Variants in BAZ1A observed in about 807,000 individuals in gnomAD.
BAZ1A encodes the protein bromodomain adjacent to zinc finger domain protein 1A.
A neutral mutation model predicts 185.2 loss-of-function variants in BAZ1A; 50 were observed. The observed-to-expected ratio is 0.27, with a 90% CI of 0.22 to 0.34. BAZ1A has a LOEUF of 0.34. BAZ1A is among the 10% of genes least tolerant of loss of function. The pLI, the probability that BAZ1A is intolerant of heterozygous loss-of-function variation, is 1.00. For missense variants in BAZ1A, 1,356 were observed against 1,839.9 expected, an observed-to-expected ratio of 0.74 and a Z score of 4.81; for synonymous variants, 571 against 615.6, an observed-to-expected ratio of 0.93 and a Z score of 1.07.
chr14:34,754,210 C>G (rs1886138229), intron 26 of BAZ1A, among the ~76,000 whole-genome samples: 1 of 150,048 alleles, frequency 6.7e-6, no homozygotes, highest in African/African-American at 2.5e-5. Flanking sequence ...TGAGATCGCA[C>G]CACTGCACTC....
At chr14:34,844,613 C>T (rs1296061386) in intron 3 of BAZ1A, among the ~76,000 whole-genome samples, 1 of 141,984 alleles carries the variant, frequency 7.0e-6, no homozygotes, top group African/African-American at 2.6e-5. Flanking sequence ...CCTGTTTCTA[C>T]AAAAAAAAAA....
chr14:34,755,423 G>A lies in BAZ1A; in HGVS notation c.4387-509C>T, dbSNP rs922373034. ...CCCTTTATAATACAGTTGTGTGTCT[G>A]AGACTTTCTAACCCAACCTCATTCA... is the stretch of plus-strand genomic sequence containing the variant. On this transcript the variant is annotated intron_variant, in intron 25 of 26. Transcript: ENST00000360310. Among the ~76,000 whole-genome samples, 7 of 152,090 alleles carry A rather than the reference G, an allele frequency of 4.6e-5. No individual in the cohort carries two copies. The East Asian group carries it at 1.3e-3, about 29-fold the overall frequency.
At chr14:34,846,028 G>A (rs1404112848) in intron 3 of BAZ1A, among the ~76,000 whole-genome samples, 1 of 152,120 alleles carries the variant, frequency 6.6e-6, no homozygotes, top group Non-Finnish European at 1.5e-5. Flanking sequence ...AATCCCCAAT[G>A]GGGATTTAAG....
intron 4 of BAZ1A, among the ~76,000 whole-genome samples, chr14:34,813,899 C>T (rs554841265): frequency 2.6e-5 from 4 of 151,876 alleles, no homozygotes; most frequent in East Asian, 1.9e-4. Context: ...AAAAATTAGC[C>T]GGCCTTGGTG....
chr14:34,866,267 T>C (rs1566605121), intron 2 of BAZ1A, among the ~76,000 whole-genome samples: 1 of 151,810 alleles, frequency 6.6e-6, no homozygotes, highest in African/African-American at 2.4e-5. Context: ...GAGAAATGCT[T>C]AAGCCCAAGA....
In BAZ1A at chr14:34,755,596, G is replaced by A. The variant is rs150773845; in HGVS notation, c.4387-682C>T. On this transcript the variant is annotated intron_variant, in intron 25 of 26. Transcript: ENST00000360310. ...TTCCAAATAGTTCTCCTTAAAAAGC[G>A]TTCTAATTATTATTTTGTCCCTCTG... is the stretch of plus-strand genomic sequence containing the variant. 3.9e-4 allele frequency among the ~76,000 whole-genome samples: 59 copies of A among 152,118 alleles called. 1 individual carries two copies. Among genetic ancestry groups the A allele is most frequent in the African/African-American group, 1.1e-3 (47 of 41,470 alleles).
chr14:34,758,115 CAAAA>C (rs1192197844), intron 25 of BAZ1A, among the ~76,000 whole-genome samples: 2 of 62,386 alleles, frequency 3.2e-5, no homozygotes, highest in Non-Finnish European at 3.8e-5. Context: ...GACCCTGTCT[CAAAA>C]AAAAAAAAAA....
intron 3 of BAZ1A, among the ~76,000 whole-genome samples, chr14:34,849,842 T>C (rs1210080622): frequency 6.6e-6 from 1 of 152,238 alleles, no homozygotes; most frequent in Non-Finnish European, 1.5e-5. Flanking sequence ...AAGTACCTTC[T>C]ACCACATATT....
At chr14:34,777,053 G>A (rs118124245) in intron 17 of BAZ1A, among the ~76,000 whole-genome samples, 77 of 152,350 alleles carry the variant, frequency 5.1e-4, no homozygotes, top group Non-Finnish European at 7.5e-4. Flanking sequence ...CCATACTGGA[G>A]AGTGCTAGTA....
At chr14:34,776,581 A>G (rs1879627714) in intron 17 of BAZ1A, 66 bp from the exon 18 acceptor site, 7 of 1,353,168 alleles carry the variant, frequency 5.2e-6, no homozygotes, top group Non-Finnish European at 7.0e-6. Context: ...AATATGAGAT[A>G]CAAAGTTACC....
At chr14:34,802,770 G>A in intron 7 of BAZ1A, 84 bp downstream of exon 7, 10 of 1,409,996 alleles carry the variant, frequency 7.1e-6, no homozygotes, top group Non-Finnish European at 8.7e-6. Context: ...GGCTATGGAT[G>A]TGAGGGGAGA....
chr14:34,789,627 T>C (rs144547027), intron 12 of BAZ1A, among the ~76,000 whole-genome samples: 1 of 152,326 alleles, frequency 6.6e-6, no homozygotes, highest in East Asian at 1.9e-4. Context: ...GATGCTCTTG[T>C]TCCCATACTT....
intron 14 of BAZ1A, 120 bp from the exon 15 acceptor site, chr14:34,784,047 A>C (rs111866725): frequency 3.0e-5 from 27 of 886,204 alleles, no homozygotes; most frequent in African/African-American, 2.4e-4. Flanking sequence ...GTAGTCTCTC[A>C]AACATGTCAA....
At chr14:34,785,076 G>A (rs554748910) in intron 14 of BAZ1A, among the ~76,000 whole-genome samples, 17 of 151,988 alleles carry the variant, frequency 1.1e-4, no homozygotes, top group Admixed American at 9.2e-4. Flanking sequence ...GGCTGGTCTC[G>A]AACTCCTGAC....
Position 34,807,549 on chromosome 14 carries a change from C to T in BAZ1A, c.639-11G>A, listed in dbSNP as rs200412174. The stretch of plus-strand genomic sequence containing the variant: ...AGGTGTTTTCTCCGGCTACAGGAGG[C>T]AAGGAAGTCAAAGAGGGGTAGTGTT... On this transcript the variant is annotated splice_polypyrimidine_tract_variant and intron_variant, in intron 5 of 26. Coordinates refer to ENST00000360310, the MANE Select transcript of BAZ1A (RefSeq NM_013448.3). 5.9e-5 allele frequency: 95 copies of T among 1,602,660 alleles called. No individual in the cohort carries two copies. The highest frequency in any genetic ancestry group is 7.9e-5 in the Non-Finnish European group (92 of 1,171,364).
rs1054967237 is a variant in BAZ1A at position 34,754,973 on chromosome 14, C to T, written c.4387-59G>A. On this transcript the variant is annotated intron_variant, in intron 25 of 26. Coordinates refer to ENST00000360310, the MANE Select transcript of BAZ1A (RefSeq NM_013448.3). ...GAAAACTTAACTGGAAAGAAGTGTT[C>T]AAATAACTAAAAGTTTTGCACTAAA... 18 of 1,321,924 alleles carry T rather than the reference C, an allele frequency of 1.4e-5. No homozygotes were observed. In the Admixed American group the frequency reaches 3.5e-4, roughly 26 times the overall value. 81.9% of individuals were successfully genotyped at this position (1,321,924 alleles called of 1,614,324 possible).
rs189229981 is a variant in BAZ1A, at chr14:34,832,491, G to A, written c.393-6335C>T. On this transcript the variant is annotated intron_variant, in intron 3 of 26. Coordinates refer to ENST00000360310, the MANE Select transcript of BAZ1A (RefSeq NM_013448.3). ...CCCCAAACCACTCAATTCAAAGACG[G>A]GCAAAAGACTTGAATAGACATTTCT... Among the ~76,000 whole-genome samples, 10 of 149,134 alleles carry A rather than the reference G, an allele frequency of 6.7e-5. No individual in the cohort carries two copies. In the East Asian group the frequency reaches 2.0e-3, roughly 29 times the overall value.
chr14:34,872,504 TG>T (rs11357694), intron 2 of BAZ1A, among the ~76,000 whole-genome samples: 131,425 of 152,012 alleles, frequency 0.86, 57,738 homozygotes, highest in Non-Finnish European at 0.96. Context: ...GGTGGTAAGG[TG>T]GGGGGGGATT....
At chr14:34,832,031 C>T (rs1045598329) in intron 3 of BAZ1A, among the ~76,000 whole-genome samples, 2 of 151,476 alleles carry the variant, frequency 1.3e-5, no homozygotes, top group African/African-American at 4.8e-5. Context: ...CCTGCCTCTA[C>T]AAAAATACAA....
Sources: allele counts gnomAD v4.1 joint callset (sites outside exome capture counted in the v4.1 genomes callset), GRCh38; gene constraint gnomAD v4.1.1; transcripts MANE v1.5; gene names NCBI Gene and HGNC (gene_info 2026-07-23, HGNC 2026-07-21).